The following NCALD variants were observed in gnomAD, a reference collection of about 807,000 sequenced individuals.
NCALD encodes the protein neurocalcin-delta.
A neutral mutation model predicts 18.6 loss-of-function variants in NCALD; 10 were observed. The ratio of observed to expected loss-of-function variants is 0.54; its 90% CI spans 0.33 to 0.91. The LOEUF (loss-of-function observed/expected upper bound fraction) is 0.91, where lower values mean the gene tolerates loss of function less well. Ranked by LOEUF, NCALD falls within the 40% of genes least tolerant of loss-of-function variation. The probability of loss-of-function intolerance (pLI) is 0.03; values close to 1 mark genes in which losing one functional copy is unlikely to be tolerated. For missense variants in NCALD, 184 were observed against 247.6 expected (o/e 0.74, Z 1.72); for synonymous variants, 88 against 87.4 (o/e 1.01, Z -0.04).
intron 4 of NCALD, among the ~76,000 whole-genome samples, chr8:101,817,576 C>CA (rs71268531): frequency 0.054 from 7,964 of 148,676 alleles, 660 homozygotes; most frequent in African/African-American, 0.18. Flanking sequence ...AAGCAGCTAC[C>CA]AAAAAAAAAA....
chr8:102,072,494 T>C lies in NCALD; in HGVS notation c.-210+51743A>G, dbSNP rs1587018320. The stretch of plus-strand genomic sequence containing the variant: ...TCCAAAAATGACAGTATCATCTGGC[T>C]AAGTTTAACACAAAGACAACAACAG... On this transcript the variant is annotated intron_variant, in intron 1 of 6. Transcript: ENST00000311028. Among the ~76,000 whole-genome samples, 3 of 152,262 alleles carry C rather than the reference T, an allele frequency of 2.0e-5. No individual in the cohort carries two copies. The East Asian group carries it at 5.8e-4, about 29-fold the overall frequency.
chr8:102,108,524 C>G (rs1825546077), intron 1 of NCALD, among the ~76,000 whole-genome samples: 1 of 152,190 alleles, frequency 6.6e-6, no homozygotes, highest in Non-Finnish European at 1.5e-5. Flanking sequence ...ACTTGCTGGA[C>G]AGAAAACATC....
intron 1 of NCALD, among the ~76,000 whole-genome samples, chr8:101,790,295 CTG>C (rs1812398342): frequency 6.6e-6 from 1 of 152,200 alleles, no homozygotes; most frequent in Admixed American, 6.5e-5. Flanking sequence ...AAACAGGAAA[CTG>C]TTGACAATTT....
rs1378402540 is a variant in NCALD, at chr8:101,898,652, T to C, written c.-106-11425A>G. Among the ~76,000 whole-genome samples, 3 of 152,146 alleles carry C rather than the reference T, an allele frequency of 2.0e-5. No individual in the cohort carries two copies. The East Asian group carries it at 5.8e-4, about 29-fold the overall frequency. Reference sequence around the variant, plus strand: ...ACAAGTTTTCTAGTTTTATGTTTTATTTTAAGTGTATGATCTATTTTGAGT... The same window carrying C: ...ACAAGTTTTCTAGTTTTATGTTTTACTTTAAGTGTATGATCTATTTTGAGT... On this transcript the variant is annotated intron_variant, in intron 3 of 6. Coordinates refer to the NCALD transcript ENST00000311028.
chr8:101,910,668 C>T (rs545037949), intron 3 of NCALD, among the ~76,000 whole-genome samples: 1 of 152,126 alleles, frequency 6.6e-6, no homozygotes, highest in African/African-American at 2.4e-5. Context: ...GCTCTTTTGA[C>T]AAAAAGATCT....
chr8:101,958,442 A>G (rs2131840966), intron 2 of NCALD, among the ~76,000 whole-genome samples: 1 of 152,280 alleles, frequency 6.6e-6, no homozygotes, highest in Non-Finnish European at 1.5e-5. Context: ...ATCGAGCCCA[A>G]GGAGAAAACT....
intron 3 of NCALD, chr8:101,691,897 G>A (rs1814744912): frequency 1.0e-6 from 1 of 985,430 alleles, no homozygotes; most frequent in Non-Finnish European, 1.2e-6. Flanking sequence ...GAACAGATCG[G>A]GTGAGCTGAT....
At chr8:101,911,076 A>T (rs553799476) in intron 3 of NCALD, among the ~76,000 whole-genome samples, 3 of 152,316 alleles carry the variant, frequency 2.0e-5, no homozygotes, top group African/African-American at 7.2e-5. Context: ...AACCCCAAGG[A>T]GGAAAGAAGG....
At chr8:101,864,272 A>C (rs1237932951) in intron 4 of NCALD, among the ~76,000 whole-genome samples, 1 of 152,184 alleles carries the variant, frequency 6.6e-6, no homozygotes, top group East Asian at 1.9e-4. Context: ...ACTGTGTGCA[A>C]ATGTGTCTAC....
At chr8:101,964,268 A>G (rs1189160726) in intron 2 of NCALD, among the ~76,000 whole-genome samples, 2 of 152,188 alleles carry the variant, frequency 1.3e-5, no homozygotes, top group Non-Finnish European at 2.9e-5. Context: ...TTCTTTGCAT[A>G]TATCTATTAC....
intron 2 of NCALD, among the ~76,000 whole-genome samples, chr8:101,976,005 G>T (rs1251422162): frequency 6.6e-6 from 1 of 152,146 alleles, no homozygotes; most frequent in Non-Finnish European, 1.5e-5. Flanking sequence ...TGGAAGAAAA[G>T]TATGCACTCC....
intron 4 of NCALD, among the ~76,000 whole-genome samples, chr8:101,833,645 T>C (rs1774400981): frequency 6.7e-6 from 1 of 149,962 alleles, no homozygotes; most frequent in African/African-American, 2.5e-5. Context: ...GTAACAATTT[T>C]GTTAGCTCAG....
At chr8:101,775,638 G>A (rs1478886606) in intron 1 of NCALD, among the ~76,000 whole-genome samples, 2 of 152,098 alleles carry the variant, frequency 1.3e-5, no homozygotes, top group East Asian at 1.9e-4. Context: ...GAGCCCTGGG[G>A]GATCAGTTTG....
chr8:101,886,334 C>CATTTA (rs1191525221), intron 4 of NCALD, among the ~76,000 whole-genome samples: 2 of 152,158 alleles, frequency 1.3e-5, no homozygotes, highest in African/African-American at 4.8e-5. Context: ...GCCCTGCCCC[C>CATTTA]ATTTATTTTA....
At chr8:101,917,368 C>T (rs1477769495) in intron 2 of NCALD, among the ~76,000 whole-genome samples, 1 of 152,014 alleles carries the variant, frequency 6.6e-6, no homozygotes, top group African/African-American at 2.4e-5. Context: ...GCACTAAACA[C>T]CTACCTCCAA....
chr8:101,828,293 G>T (rs965070714), intron 4 of NCALD, among the ~76,000 whole-genome samples: 1 of 152,166 alleles, frequency 6.6e-6, no homozygotes, highest in Non-Finnish European at 1.5e-5. Flanking sequence ...GCAAGACCGA[G>T]GCTCTGCCCA....
chr8:102,043,286 T>C (rs780074649), intron 1 of NCALD, among the ~76,000 whole-genome samples: 13 of 152,030 alleles, frequency 8.6e-5, no homozygotes, highest in Non-Finnish European at 1.8e-4. Flanking sequence ...AACTCTTCTT[T>C]AGCATGAAAG....
At chr8:101,868,838 G>A (rs1457466863) in intron 4 of NCALD, among the ~76,000 whole-genome samples, 1 of 152,180 alleles carries the variant, frequency 6.6e-6, no homozygotes, top group African/African-American at 2.4e-5. Context: ...CCCACTCTGT[G>A]GAGTATACTT....
chr8:101,928,042 C>G (rs1818402781), intron 2 of NCALD, among the ~76,000 whole-genome samples: 1 of 152,158 alleles, frequency 6.6e-6, no homozygotes, highest in African/African-American at 2.4e-5. Context: ...TCTGTCAGGA[C>G]TGCAATTTGA....
Sources: allele counts gnomAD v4.1 joint callset (sites outside exome capture counted in the v4.1 genomes callset), GRCh38; gene constraint gnomAD v4.1.1; transcripts MANE v1.5; gene names NCBI Gene and HGNC (gene_info 2026-07-23, HGNC 2026-07-21).